Variants in MTMR7 observed in about 807,000 individuals in gnomAD.
The protein encoded by MTMR7 is myotubularin related protein 7.
Under a neutral mutation model 81.2 loss-of-function variants are expected in MTMR7, and 76 were observed. That is an observed-to-expected ratio of 0.94 (90% confidence interval 0.78 to 1.13). The LOEUF (loss-of-function observed/expected upper bound fraction) is 1.13, where lower values mean the gene tolerates loss of function less well. MTMR7 is among the 50% of genes most tolerant of loss of function. The pLI is 0.00. For missense variants in MTMR7, 1,044 were observed against 820.0 expected, an observed-to-expected ratio of 1.27 and a Z score of -3.34; for synonymous variants, 372 against 289.8, an observed-to-expected ratio of 1.28 and a Z score of -2.88.
rs773062624 is a variant in MTMR7, at chr8:17,305,920, G to T, written c.1189C>A (p.Pro397Thr). The change falls in exon 11 of 14, where the codon CCA (proline) becomes ACA (threonine). Residue 397 changes from proline to threonine, a missense_variant. Physicochemically the swap from Pro to Thr is conservative, Grantham distance 38. Coordinates refer to ENST00000180173, the MANE Select transcript of MTMR7 (RefSeq NM_004686.5). ...NLDGDPKEIS[P>T]VIDQFIECVW... ...CACTCAATGAACTGGTCAATAACTG[G>T]AGAGATTTCTTTTGGGTCACCATCT... The T allele has an allele frequency of 1.9e-6, 3 of 1,613,612 alleles. No individual in the cohort carries two copies. The highest frequency in any genetic ancestry group is 2.5e-6 in the Non-Finnish European group (3 of 1,179,686).
chr8:17,351,867 T>G (rs1563352874), intron 4 of MTMR7, among the ~76,000 whole-genome samples: 1 of 152,206 alleles, frequency 6.6e-6, no homozygotes, highest in Non-Finnish European at 1.5e-5. Context: ...TTGTCCTGCT[T>G]TCATCAAAGT....
chr8:17,302,327 A>C, intron 12 of MTMR7, 47 bp from the exon 13 acceptor site: 1 of 1,571,184 alleles, frequency 6.4e-7, no homozygotes, highest in Admixed American at 1.9e-5. Flanking sequence ...TCACAGTCTG[A>C]AAATTCACAT....
intron 7 of MTMR7, among the ~76,000 whole-genome samples, chr8:17,319,641 A>G (rs1170920794): frequency 2.0e-5 from 3 of 152,190 alleles, no homozygotes; most frequent in Non-Finnish European, 4.4e-5. Context: ...TTCAATCCTC[A>G]AACAATCATT....
chr8:17,406,791 G>A (rs75110447), intron 1 of MTMR7, among the ~76,000 whole-genome samples: 1,663 of 152,176 alleles, frequency 0.011, 42 homozygotes, highest in African/African-American at 0.038. Flanking sequence ...CAGATAAAAC[G>A]AAATGAAGTA....
Position 17,306,891 on chromosome 8 carries a change from G to A in MTMR7, c.1152-934C>T, listed in dbSNP as rs536700538. Among the ~76,000 whole-genome samples the A allele has an allele frequency of 2.0e-5, 3 of 150,776 alleles. No homozygotes were observed. In the East Asian group the frequency reaches 5.9e-4, roughly 30 times the overall value. ...GCACCTTATACAAAAATTAATTCAAGATGGATTAAAGACTTAAACGTTAGA... is the reference window on the plus strand; with the variant it reads ...GCACCTTATACAAAAATTAATTCAAAATGGATTAAAGACTTAAACGTTAGA... On this transcript the variant is annotated intron_variant, in intron 10 of 13. Coordinates refer to ENST00000180173, the MANE Select transcript of MTMR7 (RefSeq NM_004686.5).
intron 3 of MTMR7, among the ~76,000 whole-genome samples, chr8:17,362,591 G>A (rs979937838): frequency 2.0e-5 from 3 of 152,160 alleles, no homozygotes; most frequent in Admixed American, 2.0e-4. Context: ...ACATCTGGCT[G>A]CAGAAGGCCT....
In MTMR7 at chr8:17,299,977, T is replaced by G. The variant is rs2150454024; in HGVS notation, c.1868A>C (p.Gln623Pro). The stretch of plus-strand genomic sequence containing the variant: ...GCTCAAATCCTCCACCCCGGACTCT[T>G]GGTCACTGTTGGCTGACAGATCTGG... The part of the protein sequence containing the change: ...SDPDLSANSD[Q>P]ESGVEDLSCR... Residue 623 changes from glutamine (Q) to proline (P), a missense_variant, in exon 14 of 14, where the codon CAA (glutamine) becomes CCA (proline). Gln to Pro is a moderately conservative substitution (Grantham distance 76). Coordinates refer to ENST00000180173, the MANE Select transcript of MTMR7 (RefSeq NM_004686.5). 1 of 1,614,152 alleles carries G rather than the reference T, an allele frequency of 6.2e-7. No homozygotes were observed. The highest frequency in any genetic ancestry group is 1.6e-4 in the Middle Eastern group (1 of 6,062).
rs1821535670 is a variant in MTMR7 at position 17,404,979 on chromosome 8, C to G, written c.24+8290G>C. On this transcript the variant is annotated intron_variant, in intron 1 of 13. Coordinates refer to ENST00000180173, the MANE Select transcript of MTMR7 (RefSeq NM_004686.5). The stretch of plus-strand genomic sequence containing the variant: ...TAGCTAGGATTACAAGCACTGGCCG[C>G]TATGACTGGCTAATTTTTGTATTTT... 2.0e-5 allele frequency among the ~76,000 whole-genome samples: 3 copies of G among 152,290 alleles called. No homozygotes were observed. In the East Asian group the frequency reaches 5.8e-4, roughly 29 times the overall value.
At chr8:17,384,189 T>C (rs1358220817) in intron 1 of MTMR7, among the ~76,000 whole-genome samples, 2 of 152,072 alleles carry the variant, frequency 1.3e-5, no homozygotes, top group Admixed American at 6.6e-5. Flanking sequence ...GGCAGGAAGA[T>C]CACTTGAGGC....
intron 5 of MTMR7, among the ~76,000 whole-genome samples, chr8:17,347,670 GT>G (rs943084022): frequency 2.0e-5 from 3 of 152,102 alleles, no homozygotes; most frequent in South Asian, 2.1e-4. Flanking sequence ...TTTAAAGGTG[GT>G]TTTTTGCTAC....
At chr8:17,341,717 T>C (rs1016978509) in intron 5 of MTMR7, among the ~76,000 whole-genome samples, 6 of 152,190 alleles carry the variant, frequency 3.9e-5, no homozygotes, top group Non-Finnish European at 7.3e-5. Flanking sequence ...GTGCAAAATA[T>C]TAGGAATGTG....
At chr8:17,391,831 T>A (rs1368530236) in intron 1 of MTMR7, among the ~76,000 whole-genome samples, 1 of 152,200 alleles carries the variant, frequency 6.6e-6, no homozygotes, top group African/African-American at 2.4e-5. Context: ...AAAGTTGTCA[T>A]AGCCTGCCAC....
chr8:17,306,028 AC>A, intron 10 of MTMR7, 71 bp from the exon 11 acceptor site: 2 of 1,309,672 alleles, frequency 1.5e-6, no homozygotes, highest in Non-Finnish European at 2.1e-6. Context: ...AAATGCAAAA[AC>A]AACCATAAAA....
intron 1 of MTMR7, among the ~76,000 whole-genome samples, chr8:17,397,785 G>A (rs113999570): frequency 1.1e-4 from 16 of 152,266 alleles, no homozygotes; most frequent in African/African-American, 3.9e-4. Context: ...TGCTGTGCTG[G>A]CTTCAAGTCT....
intron 13 of MTMR7, chr8:17,301,810 C>G: frequency 3.2e-6 from 1 of 316,670 alleles, no homozygotes. Context: ...AAGAGTTTTA[C>G]AAGTACATAT....
chr8:17,407,759 C>G (rs967558959), intron 1 of MTMR7, among the ~76,000 whole-genome samples: 1 of 152,130 alleles, frequency 6.6e-6, no homozygotes, highest in Admixed American at 6.5e-5. Context: ...AGAAAATGTA[C>G]CCAAATATTA....
In MTMR7 at chr8:17,332,838, T is replaced by C. The variant is rs1209870727; in HGVS notation, c.733-1556A>G. ...AACTTATAGATATGTATTTAAGTTT[T>C]TGCGTGTTTATCAAGCAGAATAAAA... On this transcript the variant is annotated intron_variant, in intron 6 of 13. Transcript: ENST00000180173. Among the ~76,000 whole-genome samples the C allele has an allele frequency of 2.0e-5, 3 of 152,264 alleles. No individual in the cohort carries two copies. The East Asian group carries it at 5.8e-4, about 29-fold the overall frequency.
At chr8:17,316,918 T>A (rs992927546) in intron 7 of MTMR7, among the ~76,000 whole-genome samples, 11 of 152,306 alleles carry the variant, frequency 7.2e-5, no homozygotes, top group African/African-American at 2.6e-4. Context: ...ATGACTCTAC[T>A]GCCAAATTGC....
intron 1 of MTMR7, among the ~76,000 whole-genome samples, chr8:17,380,567 G>T (rs1820727402): frequency 2.1e-5 from 1 of 47,308 alleles, no homozygotes; most frequent in African/African-American, 6.5e-5. Context: ...AACAGCTGAT[G>T]AGCTTAAAAA....
Sources: allele counts gnomAD v4.1 joint callset (sites outside exome capture counted in the v4.1 genomes callset), GRCh38; gene constraint gnomAD v4.1.1; transcripts MANE v1.5; gene names NCBI Gene and HGNC (gene_info 2026-07-23, HGNC 2026-07-21).